Variants in WDR1 observed in about 807,000 individuals in gnomAD.
WDR1 encodes WD repeat domain 1.
Under a neutral mutation model 71.9 loss-of-function variants are expected in WDR1, and 21 were observed. The ratio of observed to expected loss-of-function variants is 0.29; its 90% CI spans 0.21 to 0.42. WDR1 has a LOEUF of 0.42. WDR1 is among the 10% of genes least tolerant of loss of function. The pLI is 1.00. For synonymous variants in WDR1, 424 were observed against 347.4 expected (o/e 1.22, Z -2.45); for missense variants, 696 against 824.5 (o/e 0.84, Z 1.91).
intron 2 of WDR1, among the ~76,000 whole-genome samples, chr4:10,113,716 G>C (rs1312679925): frequency 1.3e-5 from 2 of 152,226 alleles, no homozygotes; most frequent in East Asian, 3.8e-4. Context: ...AGGAAGCCAG[G>C]GAAATCTGTT....
intron 3 of WDR1, 132 bp from the exon 4 acceptor site, chr4:10,099,271 G>A (rs936971875): frequency 9.7e-6 from 7 of 721,586 alleles, no homozygotes; most frequent in Non-Finnish European, 1.6e-5. Context: ...GGTTGCTTAG[G>A]CTTTCTAGAG....
intron 5 of WDR1, chr4:10,092,492 C>A: frequency 6.5e-6 from 1 of 153,556 alleles, no homozygotes; most frequent in Admixed American, 6.4e-5. Flanking sequence ...ACGCCTCCCA[C>A]AGGCTCTGGC....
chr4:10,077,710 A>T (rs1252340459), intron 13 of WDR1, 43 bp downstream of exon 13: 2 of 1,510,474 alleles, frequency 1.3e-6, no homozygotes, highest in Non-Finnish European at 1.8e-6. Context: ...TGCCACCTGC[A>T]CCGCCCAGCA....
At chr4:10,116,364 T>G in intron 1 of WDR1, 130 bp from the exon 2 acceptor site, 1 of 1,367,474 alleles carries the variant, frequency 7.3e-7, no homozygotes, top group Non-Finnish European at 1.0e-6. Context: ...GCCTCCACTT[T>G]CCACGAGCGC....
At chr4:10,077,556 C>T (rs1268752075) in intron 13 of WDR1, 108 bp from the exon 14 acceptor site, 16 of 1,544,432 alleles carry the variant, frequency 1.0e-5, no homozygotes, top group African/African-American at 4.1e-5. Context: ...AGGTTTCTCA[C>T]GCGCTAACTC....
Position 10,098,879 on chromosome 4 carries a change from C to G in WDR1, c.377+113G>C. ...GCCCGGCACCTACTGGGAGCTCAAC[C>G]CTCACGAGTGCAAGTTAGTACAGAC... On this transcript the variant is annotated intron_variant, in intron 4 of 14. Coordinates refer to ENST00000499869, the MANE Select transcript of WDR1 (RefSeq NM_017491.5). 3 of 1,493,060 alleles carry G rather than the reference C, an allele frequency of 2.0e-6. No homozygotes were observed. The South Asian group carries it at 3.7e-5, about 19-fold the overall frequency. 92.5% of individuals were successfully genotyped at this position (1,493,060 alleles called of 1,614,324 possible).
At chr4:10,114,492 G>A (rs1416756104) in intron 2 of WDR1, among the ~76,000 whole-genome samples, 3 of 152,218 alleles carry the variant, frequency 2.0e-5, no homozygotes, top group Non-Finnish European at 4.4e-5. Flanking sequence ...CAGATGCACA[G>A]CAGGTACTTT....
intron 2 of WDR1, 121 bp downstream of exon 2, chr4:10,115,992 G>T: frequency 7.4e-7 from 1 of 1,360,448 alleles, no homozygotes; most frequent in Admixed American, 2.4e-5. Context: ...GGTAGAGGGG[G>T]CGTGGCGCCC....
At chr4:10,111,027 G>T (rs1206377302) in intron 2 of WDR1, among the ~76,000 whole-genome samples, 2 of 152,214 alleles carry the variant, frequency 1.3e-5, no homozygotes, top group African/African-American at 4.8e-5. Flanking sequence ...GCTGCACCAC[G>T]CAACGGAACC....
At chr4:10,097,673 C>T (rs764319679) in intron 5 of WDR1, 38 bp downstream of exon 5, 1 of 1,589,816 alleles carries the variant, frequency 6.3e-7, no homozygotes. Context: ...GCCTCATGTA[C>T]AAACCACAAA....
intron 2 of WDR1, among the ~76,000 whole-genome samples, chr4:10,108,056 T>TC (rs1039782086): frequency 1.3e-5 from 2 of 151,260 alleles, no homozygotes; most frequent in Non-Finnish European, 2.9e-5. Context: ...CTAAACATAC[T>TC]CCCCCCCGGC....
Position 10,110,865 on chromosome 4 carries a change from C to T in WDR1, c.138+5248G>A, listed in dbSNP as rs557735072. On this transcript the variant is annotated intron_variant, in intron 2 of 14. Transcript: ENST00000499869. ...CCAGTGGCACAAAAATGTCTGCAAA[C>T]GTTGCCAGATATCCCTCAGGGGAAT... 3.9e-5 allele frequency among the ~76,000 whole-genome samples: 6 copies of T among 152,338 alleles called. No homozygotes were observed. In the East Asian group the frequency reaches 5.8e-4, roughly 15 times the overall value.
chr4:10,107,866 G>A (rs1435965097), intron 2 of WDR1, among the ~76,000 whole-genome samples: 4 of 152,188 alleles, frequency 2.6e-5, no homozygotes, highest in African/African-American at 9.7e-5. Flanking sequence ...CCAACACAGG[G>A]CCTGGTTCAA....
intron 1 of WDR1, 143 bp downstream of exon 1, chr4:10,116,508 C>T: frequency 3.1e-6 from 2 of 645,124 alleles, no homozygotes; most frequent in Non-Finnish European, 3.9e-6. Context: ...CCACCGAGGG[C>T]GGCCCCGCCA....
chr4:10,114,380 G>C (rs1007764070), intron 2 of WDR1, among the ~76,000 whole-genome samples: 1 of 152,196 alleles, frequency 6.6e-6, no homozygotes, highest in African/African-American at 2.4e-5. Context: ...AGCAGCTCCA[G>C]TTACTGGCCT....
At chr4:10,102,281 G>A (rs1298263810) in intron 3 of WDR1, among the ~76,000 whole-genome samples, 1 of 152,230 alleles carries the variant, frequency 6.6e-6, no homozygotes, top group East Asian at 1.9e-4. Flanking sequence ...CCAGGAAGGT[G>A]AGTTACTCAA....
rs370508508 is a variant in WDR1, at chr4:10,075,440, C to T, written c.1759G>A (p.Glu587Lys). Residue 587 changes from glutamate to lysine, a missense_variant, in exon 15 of 15, where the codon GAG becomes AAG. By Grantham distance (56) the Glu-to-Lys change is moderately conservative. Transcript: ENST00000499869. ...TGGGAGGTCGTGACCAGCGTGTGCTCGTCCAGCCAGGCCAGGCTGCTGACA... is the reference window on the plus strand; with the variant it reads ...TGGGAGGTCGTGACCAGCGTGTGCTTGTCCAGCCAGGCCAGGCTGCTGACA... ...HHVSSLAWLDEHTLVTTSHDA... is the reference protein window; with the variant it reads ...HHVSSLAWLDKHTLVTTSHDA... The T allele has an allele frequency of 5.4e-5, 87 of 1,613,900 alleles. No individual in the cohort carries two copies. Among genetic ancestry groups the T allele is most frequent in the Middle Eastern group, 1.6e-4 (1 of 6,082 alleles).
chr4:10,116,182 G>A lies in WDR1; in HGVS notation c.69C>T (p.Ile23=). ...AATTGTTGCCCTTAGGGTCGCCGCC[G>A]ATGATCTTGGAGACGCCCCTCTCCA... is the stretch of plus-strand genomic sequence containing the variant. ...PQVERGVSKI[I]GGDPKGNNFL... is the part of the protein sequence containing the mutation. Residue 23 remains isoleucine, a synonymous_variant, in exon 2 of 15, where the codon ATC becomes ATT. Coordinates refer to ENST00000499869, the MANE Select transcript of WDR1 (RefSeq NM_017491.5). The A allele has an allele frequency of 6.2e-7, 1 of 1,613,730 alleles. No homozygotes were observed. Among genetic ancestry groups the A allele is most frequent in the Non-Finnish European group, 8.5e-7 (1 of 1,179,810 alleles).
At chr4:10,103,761 C>A (rs1712845864) in intron 3 of WDR1, 135 bp downstream of exon 3, 1 of 649,870 alleles carries the variant, frequency 1.5e-6, no homozygotes, top group Non-Finnish European at 2.6e-6. Flanking sequence ...CCTCAACTCA[C>A]CACCCCCAGC....
Sources: gnomAD v4.1 joint callset for allele counts (sites outside exome capture counted in the v4.1 genomes callset) on GRCh38, gnomAD v4.1.1 for gene constraint, MANE v1.5 for transcripts, NCBI Gene and HGNC (gene_info 2026-07-23, HGNC 2026-07-21) for gene names.